Variants in GNAL observed in about 807,000 individuals in gnomAD.
GNAL encodes the protein guanine nucleotide-binding protein G(olf) subunit alpha.
In GNAL, 18 loss-of-function variants were observed where a neutral mutation model predicts 55.1. That is an observed-to-expected ratio of 0.33 (90% CI 0.23 to 0.48). The LOEUF (loss-of-function observed/expected upper bound fraction) is 0.48, where lower values mean the gene tolerates loss of function less well. GNAL is among the 20% of genes least tolerant of loss of function. The pLI, the probability that GNAL is intolerant of heterozygous loss-of-function variation, is 0.99. For missense variants in GNAL, 412 were observed against 614.1 expected, an observed-to-expected ratio of 0.67 and a Z score of 3.48; for synonymous variants, 253 against 237.0, an observed-to-expected ratio of 1.07 and a Z score of -0.62.
At chr18:11,732,083 G>A (rs1437871197) in intron 1 of GNAL, among the ~76,000 whole-genome samples, 4 of 152,052 alleles carry the variant, frequency 2.6e-5, no homozygotes, top group Admixed American at 2.6e-4. Context: ...ATTTATCATT[G>A]GTGGACATTT....
Position 11,751,575 on chromosome 18 carries a change from A to G in GNAL, c.377-1278A>G. On this transcript the variant is annotated intron_variant, in intron 1 of 11. Transcript: ENST00000334049. This position sits in a 1 kb window ranked among gnomAD's most constrained non-coding sequence, Gnocchi z 4.5. ...GATCCTCCGCGAGTCTTCGCCCGCC[A>G]GGAGCAGGGACGCGTCCGAGCCAAC... is the stretch of plus-strand genomic sequence containing the variant. The G allele has an allele frequency of 1.0e-6, 1 of 985,450 alleles. No individual in the cohort carries two copies. The allele number at this position is 985,450 out of a possible 1,614,324, so 61.0% of individuals were successfully genotyped here. A position where few individuals can be genotyped will look rare whatever the true frequency, so the allele number is the denominator to read the frequency against.
chr18:11,860,156 C>T (rs1228024981), intron 5 of GNAL, among the ~76,000 whole-genome samples: 3 of 152,204 alleles, frequency 2.0e-5, no homozygotes, highest in African/African-American at 7.2e-5. Context: ...GTTGAGGTCA[C>T]AGTTGCCCCC....
intron 5 of GNAL, among the ~76,000 whole-genome samples, chr18:11,850,161 A>G (rs1285677297): frequency 1.3e-5 from 2 of 152,156 alleles, no homozygotes; most frequent in Admixed American, 1.3e-4. Flanking sequence ...TGACGCAAAT[A>G]ATGCTCAAAT....
chr18:11,771,230 A>C (rs921288430), intron 4 of GNAL, among the ~76,000 whole-genome samples: 4 of 150,774 alleles, frequency 2.7e-5, no homozygotes, highest in Non-Finnish European at 5.9e-5. Flanking sequence ...AAAAAAAAAA[A>C]AGAAAAAAAG....
In GNAL at chr18:11,885,603, A is replaced by T. The variant is rs2037099362; in HGVS notation, c.*4468A>T. 2.0e-6 allele frequency: 3 copies of T among 1,534,526 alleles called. No individual in the cohort carries two copies. In the South Asian group the frequency reaches 3.6e-5, roughly 18 times the overall value. On this transcript the variant is annotated 3_prime_UTR_variant, in exon 12 of 12. Transcript: ENST00000334049. Reference sequence around the variant, plus strand: ...TTGTAAATTTTGACCGATTGCAGCAATTAAATAGTTGATTACTGTGTTGAT... The same window carrying T: ...TTGTAAATTTTGACCGATTGCAGCATTTAAATAGTTGATTACTGTGTTGAT...
chr18:11,783,518 A>G (rs1436528154), intron 4 of GNAL, among the ~76,000 whole-genome samples: 1 of 152,196 alleles, frequency 6.6e-6, no homozygotes, highest in Non-Finnish European at 1.5e-5. Context: ...TGGCATCACT[A>G]CACTTAACTG....
At chr18:11,735,969 A>G (rs1435696276) in intron 1 of GNAL, among the ~76,000 whole-genome samples, 2 of 152,170 alleles carry the variant, frequency 1.3e-5, no homozygotes, top group Admixed American at 6.5e-5. Context: ...ACAAGAATCT[A>G]TTAACATAGT....
At chr18:11,727,542 G>A (rs16976609) in intron 1 of GNAL, among the ~76,000 whole-genome samples, 8,091 of 152,194 alleles carry the variant, frequency 0.053, 733 homozygotes, top group African/African-American at 0.18. Context: ...TGCCTAAACC[G>A]GGACCCCAAA....
At position 11,865,750 on chromosome 18, in the gene GNAL, G is replaced by A. The variant is rs2036249088; in HGVS notation, c.851+1144G>A. Among the ~76,000 whole-genome samples the A allele has an allele frequency of 2.6e-5, 3 of 117,530 alleles. No homozygotes were observed. The Admixed American group carries it at 2.7e-4, about 11-fold the overall frequency. 77.1% of individuals were successfully genotyped at this position (117,530 alleles called of 152,430 possible). On this transcript the variant is annotated intron_variant, in intron 7 of 11. Coordinates refer to ENST00000334049, the MANE Select transcript of GNAL (RefSeq NM_182978.4). ...AGCCTGGGTGACAGAGTAAGACCCTGTCTCTAAAAAAAAAAAAAAAAAAAA... is the reference window on the plus strand; with the variant it reads ...AGCCTGGGTGACAGAGTAAGACCCTATCTCTAAAAAAAAAAAAAAAAAAAA...
intron 5 of GNAL, among the ~76,000 whole-genome samples, chr18:11,842,529 G>C (rs987052996): frequency 2.0e-5 from 3 of 151,974 alleles, no homozygotes; most frequent in Admixed American, 2.0e-4. Context: ...CCTGCAACTA[G>C]ATGGTCCCAT....
chr18:11,703,767 CAG>C (rs1036929033), intron 1 of GNAL, among the ~76,000 whole-genome samples: 5 of 149,558 alleles, frequency 3.3e-5, no homozygotes, highest in African/African-American at 9.9e-5. Flanking sequence ...GAGCTTGGAA[CAG>C]GGGATAGGAG....
intron 4 of GNAL, among the ~76,000 whole-genome samples, chr18:11,792,295 C>T (rs1217476851): frequency 6.6e-6 from 1 of 152,126 alleles, no homozygotes; most frequent in Non-Finnish European, 1.5e-5. Context: ...AAGCAATTCT[C>T]ATGCCTCAGC....
At chr18:11,702,593 A>G (rs1451384018) in intron 1 of GNAL, among the ~76,000 whole-genome samples, 2 of 152,192 alleles carry the variant, frequency 1.3e-5, no homozygotes, top group Non-Finnish European at 2.9e-5. Context: ...ACCACGTCCC[A>G]GGTTCTGTCA....
intron 1 of GNAL, among the ~76,000 whole-genome samples, chr18:11,692,218 T>G (rs1366822258): frequency 6.6e-6 from 1 of 152,200 alleles, no homozygotes; most frequent in Non-Finnish European, 1.5e-5. Flanking sequence ...CAACTTTCAT[T>G]TAAGATCTAG....
At chr18:11,722,760 C>T (rs2032124134) in intron 1 of GNAL, among the ~76,000 whole-genome samples, 2 of 152,090 alleles carry the variant, frequency 1.3e-5, no homozygotes, top group African/African-American at 4.8e-5. Flanking sequence ...GCCTGTAATC[C>T]CAGCACTTTG....
intron 4 of GNAL, among the ~76,000 whole-genome samples, chr18:11,789,576 G>A (rs112588344): frequency 2.2e-4 from 34 of 152,138 alleles, no homozygotes; most frequent in African/African-American, 6.5e-4. Flanking sequence ...GATTCCCCAC[G>A]GATCCAACAA....
chr18:11,723,420 C>T (rs2032143440), intron 1 of GNAL, among the ~76,000 whole-genome samples: 1 of 152,228 alleles, frequency 6.6e-6, no homozygotes, highest in Non-Finnish European at 1.5e-5. Context: ...AGATTTAGCC[C>T]ACAGGCCTTG....
intron 5 of GNAL, among the ~76,000 whole-genome samples, chr18:11,846,136 T>A (rs2035729643): frequency 1.3e-5 from 2 of 151,972 alleles, no homozygotes; most frequent in Admixed American, 1.3e-4. Context: ...GACAGGTGTG[T>A]TGAGATTTCA....
At chr18:11,717,562 T>C (rs1418530939) in intron 1 of GNAL, among the ~76,000 whole-genome samples, 1 of 152,194 alleles carries the variant, frequency 6.6e-6, no homozygotes, top group African/African-American at 2.4e-5. Context: ...TGTGGTAGAC[T>C]GGATAAGAAA....
Sources: allele counts gnomAD v4.1 joint callset (sites outside exome capture counted in the v4.1 genomes callset), GRCh38; gene constraint gnomAD v4.1.1; non-coding constraint Gnocchi (gnomAD v3.1); transcripts MANE v1.5; gene names NCBI Gene and HGNC (gene_info 2026-07-23, HGNC 2026-07-21).